MEI1: variants seen among roughly 807,000 people sequenced by gnomAD.
MEI1 encodes meiosis inhibitor protein 1.
Under a neutral mutation model 146.2 loss-of-function variants are expected in MEI1, and 103 were observed. The observed-to-expected ratio is 0.70, with a 90% CI of 0.60 to 0.83. The LOEUF (loss-of-function observed/expected upper bound fraction) is 0.83, where lower values mean the gene tolerates loss of function less well. Ranked by LOEUF, MEI1 falls within the 40% of genes least tolerant of loss-of-function variation. The pLI is 0.00. For missense variants in MEI1, 1,529 were observed against 1,533.0 expected, an observed-to-expected ratio of 1.00 and a Z score of 0.04; for synonymous variants, 652 against 628.2, an observed-to-expected ratio of 1.04 and a Z score of -0.57.
chr22:41,749,619 A>G, intron 15 of MEI1, among the ~76,000 whole-genome samples: 1 of 152,174 alleles, frequency 6.6e-6, no homozygotes, highest in Non-Finnish European at 1.5e-5. Flanking sequence ...GTTTTAAAGA[A>G]GTGGAGTAAC....
intron 6 of MEI1, among the ~76,000 whole-genome samples, chr22:41,720,777 T>A (rs1354081050): frequency 6.6e-6 from 1 of 150,838 alleles, no homozygotes; most frequent in African/African-American, 2.4e-5. Context: ...ATTTTTTATT[T>A]TTTATTTTTT....
rs567776081 is a variant in MEI1, at chr22:41,724,124, A to G, written c.864+51A>G. The G allele has an allele frequency of 1.5e-5, 24 of 1,605,636 alleles. No homozygotes were observed. The East Asian group carries it at 3.8e-4, about 25-fold the overall frequency. ...CTAGGTTCAATAACAAGGGGACCCA[A>G]GTGCTTCTTGGGCCTTGTCTTCATC... On this transcript the variant is annotated intron_variant, in intron 7 of 30. Transcript: ENST00000401548.
At chr22:41,768,645 G>A (rs1378543969) in intron 19 of MEI1, among the ~76,000 whole-genome samples, 1 of 152,146 alleles carries the variant, frequency 6.6e-6, no homozygotes, top group African/African-American at 2.4e-5. Flanking sequence ...AAAGCAAAGG[G>A]GAAGCTGGCA....
At chr22:41,726,140 TG>T (rs1394029618) in intron 7 of MEI1, among the ~76,000 whole-genome samples, 1 of 152,080 alleles carries the variant, frequency 6.6e-6, no homozygotes, top group African/African-American at 2.4e-5. Context: ...TAGCCAGGCG[TG>T]GTGGCACACA....
At chr22:41,728,695 T>C (rs971653656) in intron 7 of MEI1, among the ~76,000 whole-genome samples, 1 of 152,030 alleles carries the variant, frequency 6.6e-6, no homozygotes, top group Non-Finnish European at 1.5e-5. Flanking sequence ...TGAAACCCTG[T>C]CTCTATAAAA....
In MEI1 at chr22:41,703,424, G is replaced by C. The variant is rs751043837; in HGVS notation, c.268G>C (p.Val90Leu). Residue 90 changes from valine (V) to leucine (L), a missense_variant, in exon 2 of 31, where the codon GTC (valine) becomes CTC (leucine). Coordinates refer to ENST00000401548, the MANE Select transcript of MEI1 (RefSeq NM_152513.4). The part of the protein sequence containing the change: ...VTQLVSQDQR[V>L]CIHFISVLFG... ...GCAACTGGTGTCTCAGGATCAGAGAGTCTGCATCCACTTCATAAGTGTGCT... is the reference window on the plus strand; with the variant it reads ...GCAACTGGTGTCTCAGGATCAGAGACTCTGCATCCACTTCATAAGTGTGCT... The C allele has an allele frequency of 8.1e-6, 13 of 1,604,142 alleles. No individual in the cohort carries two copies. The African/African-American group carries it at 1.5e-4, about 18-fold the overall frequency.
intron 6 of MEI1, among the ~76,000 whole-genome samples, chr22:41,723,429 G>A (rs2071043468): frequency 6.6e-6 from 1 of 152,064 alleles, no homozygotes; most frequent in South Asian, 2.1e-4. Context: ...TGGCCAGGCT[G>A]GTCTTGAACT....
At chr22:41,745,287 C>T (rs2073203039) in intron 13 of MEI1, among the ~76,000 whole-genome samples, 1 of 152,132 alleles carries the variant, frequency 6.6e-6, no homozygotes, top group African/African-American at 2.4e-5. Flanking sequence ...GGAGTTTTTG[C>T]TACTGTGCCA....
intron 11 of MEI1, among the ~76,000 whole-genome samples, chr22:41,742,219 C>G (rs1012134966): frequency 6.6e-6 from 1 of 152,166 alleles, no homozygotes; most frequent in Non-Finnish European, 1.5e-5. Context: ...AAGATCACAC[C>G]ACTGCACTCC....
rs1341759589 is a variant in MEI1 at position 41,770,737 on chromosome 22, C to G, written c.2320C>G (p.Leu774Val). 1 of 1,613,896 alleles carries G rather than the reference C, an allele frequency of 6.2e-7. No individual in the cohort carries two copies. The highest frequency in any genetic ancestry group is 8.5e-7 in the Non-Finnish European group (1 of 1,179,840). ...CCTAGAAGGCATCCCAGACCTGCAG[C>G]TAGTCTATACTCACCATCCGCTCCT... is the stretch of plus-strand genomic sequence containing the variant. ...KFLEGIPDLQLVYTHHPLLLR... is the reference protein window; with the variant it reads ...KFLEGIPDLQVVYTHHPLLLR... Residue 774 changes from leucine (L) to valine (V), a missense_variant, in exon 20 of 31, where the codon CTA becomes GTA. Physicochemically the swap from Leu to Val is conservative, Grantham distance 32. Transcript: ENST00000401548.
In MEI1 at chr22:41,778,697, GT is replaced by G. The variant is rs753666070; in HGVS notation, c.2711-9del. On this transcript the variant is annotated splice_polypyrimidine_tract_variant and intron_variant, in intron 21 of 30. Coordinates refer to ENST00000401548, the MANE Select transcript of MEI1 (RefSeq NM_152513.4). The stretch of plus-strand genomic sequence containing the variant: ...TCAGGCTTCTTGCCCAGTCCTCCTT[GT>G]TCTTCACAGCCTCGGGGAACCTACC... 6.3e-7 allele frequency: 1 copy of G among 1,589,350 alleles called. No homozygotes were observed.
At chr22:41,705,231 G>T (rs2069000721) in intron 2 of MEI1, among the ~76,000 whole-genome samples, 1 of 150,120 alleles carries the variant, frequency 6.7e-6, no homozygotes, top group Non-Finnish European at 1.5e-5. Flanking sequence ...GAGTGCAGTG[G>T]TGCAGTCTCA....
In MEI1 at chr22:41,729,703, T is replaced by A; in HGVS notation, c.903T>A (p.Ser301Arg). 6.2e-7 allele frequency: 1 copy of A among 1,612,464 alleles called. No homozygotes were observed. Among genetic ancestry groups the A allele is most frequent in the Non-Finnish European group, 8.5e-7 (1 of 1,179,412 alleles). Residue 301 changes from serine to arginine, a missense_variant, in exon 8 of 31, where the codon AGT becomes AGA. Around this residue, in one of 3 missense-constraint regions of MEI1, gnomAD observed 1,212 missense variants for 1,178.9 expected, o/e 1.03. Coordinates refer to ENST00000401548, the MANE Select transcript of MEI1 (RefSeq NM_152513.4). ...LSRDETLQVA[S>R]AHCITAVLVH... ...GAGATGAAACCCTGCAGGTGGCCAGTGCTCACTGTATAACTGCGGTGCTTG... is the reference window on the plus strand; with the variant it reads ...GAGATGAAACCCTGCAGGTGGCCAGAGCTCACTGTATAACTGCGGTGCTTG...
intron 3 of MEI1, chr22:41,709,561 C>A: frequency 1.9e-6 from 1 of 515,904 alleles, no homozygotes; most frequent in East Asian, 5.0e-5. Context: ...TTGGTCGGTC[C>A]AGGGGTTGTT....
chr22:41,752,126 G>C (rs2073803088), intron 15 of MEI1, among the ~76,000 whole-genome samples: 1 of 151,842 alleles, frequency 6.6e-6, no homozygotes, highest in Non-Finnish European at 1.5e-5. Context: ...AGAATCAATT[G>C]CTTTCAACAG....
chr22:41,719,477 G>A (rs957438554), intron 6 of MEI1, among the ~76,000 whole-genome samples: 14 of 152,224 alleles, frequency 9.2e-5, no homozygotes, highest in Non-Finnish European at 1.9e-4. Flanking sequence ...GCAAGCCACT[G>A]TGCCTGGCCT....
At chr22:41,770,006 T>C (rs2075084154) in intron 19 of MEI1, among the ~76,000 whole-genome samples, 1 of 151,472 alleles carries the variant, frequency 6.6e-6, no homozygotes, top group African/African-American at 2.4e-5. Flanking sequence ...TGGTGGCACA[T>C]GCCTGTAATC....
chr22:41,741,942 CA>C (rs10544640), intron 11 of MEI1, among the ~76,000 whole-genome samples: 72,195 of 115,822 alleles, frequency 0.62, 23,368 homozygotes, highest in East Asian at 0.89. Flanking sequence ...GACTCCATCT[CA>C]AAAAAAAAAA....
At chr22:41,798,700 T>G (rs894293201) in intron 30 of MEI1, among the ~76,000 whole-genome samples, 1 of 151,676 alleles carries the variant, frequency 6.6e-6, no homozygotes, top group East Asian at 1.9e-4. Context: ...AAACCCCATC[T>G]CTACTAAAAA....
Sources: allele counts gnomAD v4.1 joint callset (sites outside exome capture counted in the v4.1 genomes callset), GRCh38; gene constraint gnomAD v4.1.1; regional missense constraint gnomAD v4.1.1; transcripts MANE v1.5; gene names NCBI Gene and HGNC (gene_info 2026-07-23, HGNC 2026-07-21).